Variants in RYR3 observed in about 807,000 individuals in gnomAD.
The protein encoded by RYR3 is ryanodine receptor 3.
A neutral mutation model predicts 584.3 loss-of-function variants in RYR3; 207 were observed. The observed-to-expected ratio is 0.35, with a 90% CI of 0.32 to 0.40. The LOEUF (loss-of-function observed/expected upper bound fraction) is 0.40. Among genes scored for constraint, RYR3 ranks in the 10% least tolerant of loss-of-function variants. RYR3 has a pLI of 1.00. For missense variants in RYR3, 5,616 were observed against 6,089.2 expected, an observed-to-expected ratio of 0.92 and a Z score of 2.59; for synonymous variants, 2,416 against 2,248.5, an observed-to-expected ratio of 1.07 and a Z score of -2.11.
At chr15:33,382,102 G>A (rs1567132880) in intron 1 of RYR3, among the ~76,000 whole-genome samples, 1 of 152,158 alleles carries the variant, frequency 6.6e-6, no homozygotes. Context: ...GCAAGCAGAT[G>A]TAACCTAGAA....
intron 13 of RYR3, among the ~76,000 whole-genome samples, chr15:33,581,213 C>G (rs1388447379): frequency 6.6e-6 from 1 of 152,136 alleles, no homozygotes; most frequent in Non-Finnish European, 1.5e-5. Flanking sequence ...GAAACTCATT[C>G]ACCCTCCCTC....
intron 1 of RYR3, among the ~76,000 whole-genome samples, chr15:33,325,573 C>G (rs1164104745): frequency 6.6e-6 from 1 of 151,174 alleles, no homozygotes; most frequent in Non-Finnish European, 1.5e-5. Context: ...CTTTAGGGTC[C>G]TGAATTCCCA....
intron 1 of RYR3, among the ~76,000 whole-genome samples, chr15:33,440,166 C>T (rs993199770): frequency 2.0e-5 from 3 of 152,020 alleles, no homozygotes; most frequent in South Asian, 2.1e-4. Flanking sequence ...ATGCACCTGT[C>T]GTCCCAGCTA....
chr15:33,838,795 A>G lies in RYR3; in HGVS notation c.12815A>G (p.Lys4272Arg). ...TELVHFIKGEKGDTDIMSDLF... is the reference protein window; with the variant it reads ...TELVHFIKGERGDTDIMSDLF... ...CTAGTACACTTCATAAAGGGGGAGA[A>G]GGGAGATACAGATATCATGTCAGAC... Residue 4272 changes from lysine to arginine, a missense_variant, in exon 89 of 104, where the codon AAG becomes AGG. Physicochemically the swap from Lys to Arg is conservative, Grantham distance 26. This residue lies in a region of RYR3 where 918 missense variants were observed against 887.4 expected (regional missense o/e 1.03). Coordinates refer to ENST00000634891, the MANE Select transcript of RYR3 (RefSeq NM_001036.6). The G allele has an allele frequency of 1.2e-6, 2 of 1,613,936 alleles. No individual in the cohort carries two copies. Among genetic ancestry groups the G allele is most frequent in the Admixed American group, 3.3e-5 (2 of 60,002 alleles).
chr15:33,400,971 A>C (rs556920119), intron 1 of RYR3, among the ~76,000 whole-genome samples: 1 of 152,120 alleles, frequency 6.6e-6, no homozygotes, highest in African/African-American at 2.4e-5. Flanking sequence ...GCTTGCCTTA[A>C]CCACCCACTA....
rs2041929595 is a variant in RYR3, at chr15:33,390,565, T to TGGG, written c.51+79469_51+79470insGGG. On this transcript the variant is annotated intron_variant, in intron 1 of 103. Transcript: ENST00000634891. This position sits in a 1 kb window ranked among gnomAD's most constrained non-coding sequence, Gnocchi z 4.2. Reference sequence around the variant, plus strand: ...GGGGTGATAGGTGTGGAGAGAAGAGTTAACAAAGCAGGCATGAGGAGGCTA... The same window carrying TGGG: ...GGGGTGATAGGTGTGGAGAGAAGAGTGGGTAACAAAGCAGGCATGAGGAGGCTA... Among the ~76,000 whole-genome samples the TGGG allele has an allele frequency of 1.3e-5, 2 of 152,148 alleles. No homozygotes were observed. Among genetic ancestry groups the TGGG allele is most frequent in the Admixed American group, 1.3e-4 (2 of 15,292 alleles).
chr15:33,421,145 T>G (rs963923772), intron 1 of RYR3, among the ~76,000 whole-genome samples: 4 of 152,062 alleles, frequency 2.6e-5, no homozygotes, highest in African/African-American at 9.7e-5. Context: ...TCCTGGTGAA[T>G]TGGAGGAGAA....
At chr15:33,370,574 A>G (rs1299731597) in intron 1 of RYR3, among the ~76,000 whole-genome samples, 1 of 152,196 alleles carries the variant, frequency 6.6e-6, no homozygotes, top group Non-Finnish European at 1.5e-5. Context: ...TGGCCCAGAT[A>G]CAAAGTAAAC....
intron 1 of RYR3, among the ~76,000 whole-genome samples, chr15:33,423,126 T>C (rs2044356086): frequency 6.6e-6 from 1 of 152,196 alleles, no homozygotes; most frequent in Non-Finnish European, 1.5e-5. Context: ...TTACCACAAA[T>C]AGAGACTTTG....
chr15:33,446,225 G>A (rs2046648279), intron 1 of RYR3, among the ~76,000 whole-genome samples: 1 of 152,146 alleles, frequency 6.6e-6, no homozygotes, highest in African/African-American at 2.4e-5. Flanking sequence ...CTCCTCGCAA[G>A]GACCAGGCAA....
intron 11 of RYR3, among the ~76,000 whole-genome samples, chr15:33,564,044 G>A (rs931071339): frequency 2.0e-5 from 3 of 152,138 alleles, no homozygotes; most frequent in Non-Finnish European, 4.4e-5. Context: ...CACATAGAAC[G>A]TAAGTGCACT....
chr15:33,532,045 C>G (rs1195345619), intron 4 of RYR3, among the ~76,000 whole-genome samples: 5 of 152,182 alleles, frequency 3.3e-5, no homozygotes, highest in Admixed American at 1.3e-4. Flanking sequence ...CATATACTCT[C>G]TACTGGCTAG....
In RYR3 at chr15:33,662,644, G is replaced by A; in HGVS notation, c.5114G>A (p.Cys1705Tyr). The change falls in exon 35 of 104, where the codon TGC becomes TAC. Residue 1705 changes from cysteine to tyrosine, a missense_variant. Physicochemically the swap from Cys to Tyr is radical, Grantham distance 194 (BLOSUM62 -2). Coordinates refer to ENST00000634891, the MANE Select transcript of RYR3 (RefSeq NM_001036.6). ...AGTATGCTGACAGAGGCAGTGCAGT[G>A]CAGCGGGGCCCACATCCGAGACCCT... is the stretch of plus-strand genomic sequence containing the variant. ...ALSMLTEAVQ[C>Y]SGAHIRDPVG... is the part of the protein sequence containing the mutation. 6.2e-7 allele frequency: 1 copy of A among 1,614,058 alleles called. No homozygotes were observed. The highest frequency in any genetic ancestry group is 8.5e-7 in the Non-Finnish European group (1 of 1,179,926).
At chr15:33,771,301 C>G (rs1439900766) in intron 62 of RYR3, among the ~76,000 whole-genome samples, 1 of 152,088 alleles carries the variant, frequency 6.6e-6, no homozygotes, top group Non-Finnish European at 1.5e-5. Flanking sequence ...TTTGGGAGGC[C>G]AAGGCGGGCG....
At chr15:33,735,887 C>A (rs2069415937) in intron 48 of RYR3, among the ~76,000 whole-genome samples, 1 of 152,192 alleles carries the variant, frequency 6.6e-6, no homozygotes, top group Non-Finnish European at 1.5e-5. Context: ...CTGCAGAGTT[C>A]AGGGGACCTT....
At chr15:33,658,400 G>T (rs764311830) in intron 32 of RYR3, among the ~76,000 whole-genome samples, 1 of 152,198 alleles carries the variant, frequency 6.6e-6, no homozygotes, top group Non-Finnish European at 1.5e-5. Context: ...AGGTCATCTG[G>T]AGAAGCTTTC....
intron 10 of RYR3, among the ~76,000 whole-genome samples, chr15:33,556,863 C>T (rs2057100963): frequency 6.6e-6 from 1 of 151,966 alleles, no homozygotes; most frequent in Admixed American, 6.6e-5. Context: ...TTTTTTTCCC[C>T]AAACTCCAAT....
rs2057280525 is a variant in RYR3, at chr15:33,559,371, T to C, written c.973-3466T>C. Among the ~76,000 whole-genome samples, 2 of 152,172 alleles carry C rather than the reference T, an allele frequency of 1.3e-5. 1 individual carries two copies. The highest frequency in any genetic ancestry group is 2.9e-5 in the Non-Finnish European group (2 of 68,020). On this transcript the variant is annotated intron_variant, in intron 10 of 103. Coordinates refer to ENST00000634891, the MANE Select transcript of RYR3 (RefSeq NM_001036.6). ...CATGTGAGGAGACACAGGAGAGGCT[T>C]AGGAAAACAAAGTTTATTATACTCA...
intron 2 of RYR3, among the ~76,000 whole-genome samples, chr15:33,486,164 G>T (rs1187895940): frequency 6.6e-6 from 1 of 152,122 alleles, no homozygotes; most frequent in Non-Finnish European, 1.5e-5. Context: ...TTCATTAGTA[G>T]GGCTACTGTA....
Sources: gnomAD v4.1 joint callset for allele counts (sites outside exome capture counted in the v4.1 genomes callset) on GRCh38, gnomAD v4.1.1 for gene constraint, gnomAD v4.1.1 regional missense constraint, Gnocchi (gnomAD v3.1) non-coding constraint, MANE v1.5 for transcripts, NCBI Gene and HGNC (gene_info 2026-07-23, HGNC 2026-07-21) for gene names.